CDH12: variants seen among roughly 807,000 people sequenced by gnomAD.
CDH12 encodes cadherin 12.
A neutral mutation model predicts 74.1 loss-of-function variants in CDH12; 41 were observed. The observed-to-expected ratio is 0.55, with a 90% CI of 0.43 to 0.72. The LOEUF (loss-of-function observed/expected upper bound fraction) is 0.72, where lower values mean the gene tolerates loss of function less well. CDH12 is among the 30% of genes least tolerant of loss of function. CDH12 has a pLI of 0.00. For missense variants in CDH12, 945 were observed against 977.2 expected, an observed-to-expected ratio of 0.97 and a Z score of 0.44; for synonymous variants, 399 against 355.0, an observed-to-expected ratio of 1.12 and a Z score of -1.39.
At chr5:22,725,302 A>G (rs1263645144) in intron 1 of CDH12, among the ~76,000 whole-genome samples, 3 of 151,896 alleles carry the variant, frequency 2.0e-5, no homozygotes, top group Admixed American at 6.6e-5. Context: ...GATAGTAGCT[A>G]TTGATAATAT....
In CDH12 at chr5:21,751,525, T is replaced by A. The variant is rs1465834512; in HGVS notation, c.*212A>T. The A allele has an allele frequency of 1.8e-6, 1 of 549,304 alleles. No homozygotes were observed. Among genetic ancestry groups the A allele is most frequent in the Non-Finnish European group, 3.2e-6 (1 of 309,494 alleles). 34.0% of individuals were successfully genotyped at this position (549,304 alleles called of 1,614,324 possible). ...AGTACACATTATAGGATGTATCTCTTGTTGGCAGAATAAACCAAAACTGAC... is the reference window on the plus strand; with the variant it reads ...AGTACACATTATAGGATGTATCTCTAGTTGGCAGAATAAACCAAAACTGAC... On this transcript the variant is annotated 3_prime_UTR_variant, in exon 15 of 15. Transcript: ENST00000382254.
chr5:22,382,987 C>T (rs552743145), intron 3 of CDH12, among the ~76,000 whole-genome samples: 3 of 152,088 alleles, frequency 2.0e-5, no homozygotes, highest in East Asian at 1.9e-4. Context: ...CGCGCCGCTA[C>T]GCCCAGCACA....
chr5:22,251,586 T>C (rs1368808007), intron 3 of CDH12, among the ~76,000 whole-genome samples: 4 of 152,148 alleles, frequency 2.6e-5, no homozygotes, highest in Non-Finnish European at 5.9e-5. Context: ...ATGATAAAAA[T>C]AGGGATGCTG....
chr5:22,398,459 A>G (rs80063785), intron 3 of CDH12, among the ~76,000 whole-genome samples: 6,730 of 152,238 alleles, frequency 0.044, 209 homozygotes, highest in East Asian at 0.096. Context: ...CCTAAACCAC[A>G]TAGATCTCCA....
chr5:21,885,424 T>G (rs1054259298), intron 6 of CDH12, among the ~76,000 whole-genome samples: 1 of 152,168 alleles, frequency 6.6e-6, no homozygotes, highest in Non-Finnish European at 1.5e-5. Flanking sequence ...GAAATGGTTA[T>G]ATGCCTGTTG....
chr5:21,880,600 C>T (rs1391285561), intron 6 of CDH12, among the ~76,000 whole-genome samples: 116 of 48,790 alleles, frequency 2.4e-3, no homozygotes, highest in Non-Finnish European at 3.5e-3. Flanking sequence ...TCCTTCCTTC[C>T]TTCCTTCCTT....
intron 3 of CDH12, among the ~76,000 whole-genome samples, chr5:22,366,923 T>C (rs17271989): frequency 0.43 from 65,743 of 152,038 alleles, 15,251 homozygotes; most frequent in Non-Finnish European, 0.52. Context: ...TTGACTTTCC[T>C]AACCTTCAAT....
intron 3 of CDH12, among the ~76,000 whole-genome samples, chr5:22,249,087 C>T (rs1409686572): frequency 6.6e-6 from 1 of 151,852 alleles, no homozygotes; most frequent in East Asian, 1.9e-4. Flanking sequence ...GTGAATACCC[C>T]CCAAAATACT....
At chr5:21,787,926 C>T (rs1219307437) in intron 10 of CDH12, among the ~76,000 whole-genome samples, 2 of 152,220 alleles carry the variant, frequency 1.3e-5, no homozygotes, top group East Asian at 1.9e-4. Context: ...ATTTAACTTG[C>T]CATATGCCTA....
At chr5:22,422,649 C>T (rs1743705099) in intron 2 of CDH12, among the ~76,000 whole-genome samples, 2 of 152,150 alleles carry the variant, frequency 1.3e-5, no homozygotes, top group East Asian at 3.9e-4. Flanking sequence ...ACCTGGCAAG[C>T]TTGTGATGGT....
chr5:22,124,123 C>T (rs1194351747), intron 4 of CDH12, among the ~76,000 whole-genome samples: 6 of 151,612 alleles, frequency 4.0e-5, no homozygotes, highest in Admixed American at 1.3e-4. Flanking sequence ...CGCGCCAACA[C>T]TCCCTGCTGA....
chr5:21,771,208 TA>T (rs1745308175), intron 11 of CDH12, among the ~76,000 whole-genome samples: 1 of 151,870 alleles, frequency 6.6e-6, no homozygotes, highest in South Asian at 2.1e-4. Context: ...TTTTTTTTTT[TA>T]AAGTTAAAAT....
At chr5:22,717,410 G>C (rs1448976747) in intron 1 of CDH12, among the ~76,000 whole-genome samples, 1 of 152,170 alleles carries the variant, frequency 6.6e-6, no homozygotes, top group East Asian at 1.9e-4. Context: ...TAGGTGTGTA[G>C]TAGGCTGTAC....
intron 4 of CDH12, among the ~76,000 whole-genome samples, chr5:22,182,583 A>G (rs1030310264): frequency 1.3e-5 from 2 of 152,188 alleles, no homozygotes; most frequent in Admixed American, 6.5e-5. Flanking sequence ...ATTTTACACA[A>G]TAGGAAAATA....
At chr5:21,944,837 G>T (rs781337930) in intron 6 of CDH12, among the ~76,000 whole-genome samples, 58 of 152,016 alleles carry the variant, frequency 3.8e-4, no homozygotes, top group Non-Finnish European at 6.9e-4. Flanking sequence ...TTGCCAGTGG[G>T]TGGAGGGAGA....
chr5:22,653,434 G>T (rs1197426371), intron 1 of CDH12, among the ~76,000 whole-genome samples: 1 of 151,266 alleles, frequency 6.6e-6, no homozygotes, highest in Non-Finnish European at 1.5e-5. Context: ...CATCGTTTGT[G>T]TACTAGCTCA....
chr5:22,682,247 C>T (rs1023158464), intron 1 of CDH12, among the ~76,000 whole-genome samples: 1 of 152,144 alleles, frequency 6.6e-6, no homozygotes, highest in East Asian at 1.9e-4. Flanking sequence ...TACTAGTGAA[C>T]ATCAAAATTT....
intron 3 of CDH12, among the ~76,000 whole-genome samples, chr5:22,239,965 A>T (rs568050178): frequency 6.6e-6 from 1 of 152,290 alleles, no homozygotes; most frequent in East Asian, 1.9e-4. Context: ...CTTTCCCGGT[A>T]CTTCTTCTTA....
At position 22,765,073 on chromosome 5, in the gene CDH12, C is replaced by T. The variant is rs147718238; in HGVS notation, c.-523+87985G>A. ...ATTAGAATATCCATGTCAATCAAAACTTGAATGAAAGAATAACTAATTTAT... is the reference window on the plus strand; with the variant it reads ...ATTAGAATATCCATGTCAATCAAAATTTGAATGAAAGAATAACTAATTTAT... On this transcript the variant is annotated intron_variant, in intron 1 of 14. Transcript: ENST00000382254. Among the ~76,000 whole-genome samples the T allele has an allele frequency of 4.1e-3, 629 of 151,922 alleles. 2 individuals are homozygous for T. Among genetic ancestry groups the T allele is most frequent in the Non-Finnish European group, 7.0e-3 (478 of 67,842 alleles).
Sources: allele counts gnomAD v4.1 joint callset (sites outside exome capture counted in the v4.1 genomes callset), GRCh38; gene constraint gnomAD v4.1.1; transcripts MANE v1.5; gene names NCBI Gene and HGNC (gene_info 2026-07-23, HGNC 2026-07-21).